Variants in NAA25 observed in about 807,000 individuals in gnomAD.
The protein encoded by NAA25 is N-terminal acetyltransferase B complex subunit NAA25.
Under a neutral mutation model 132.5 loss-of-function variants are expected in NAA25, and 30 were observed. That is an observed-to-expected ratio of 0.23 (90% confidence interval 0.17 to 0.31). NAA25 has a LOEUF of 0.31. Ranked by LOEUF, NAA25 falls within the 10% of genes least tolerant of loss-of-function variation. The pLI, the probability that NAA25 is intolerant of heterozygous loss-of-function variation, is 1.00. For synonymous variants in NAA25, 359 were observed against 401.9 expected (o/e 0.89, Z 1.28); for missense variants, 771 against 1,150.4 (o/e 0.67, Z 4.77).
intron 10 of NAA25, among the ~76,000 whole-genome samples, chr12:112,070,875 T>G (rs1482824030): frequency 6.6e-6 from 1 of 152,238 alleles, no homozygotes; most frequent in Admixed American, 6.5e-5. Context: ...GCCTCCCAAG[T>G]AGCTGTAACT....
At position 112,026,821 on chromosome 12, in the gene NAA25, CAAT is replaced by C. The variant is rs1275139666; in HGVS notation, c.*2707_*2709del. The C allele has an allele frequency of 6.6e-6, 1 of 152,092 alleles. No homozygotes were observed. Among genetic ancestry groups the C allele is most frequent in the Non-Finnish European group, 1.5e-5 (1 of 68,002 alleles). 9.4% of individuals were successfully genotyped at this position (152,092 alleles called of 1,614,324 possible). A position where few individuals can be genotyped will look rare whatever the true frequency, so the allele number is the denominator to read the frequency against. On this transcript the variant is annotated 3_prime_UTR_variant, in exon 24 of 24. Coordinates refer to ENST00000261745, the MANE Select transcript of NAA25 (RefSeq NM_024953.4). ...ATCACATCAAATAAGTAGGAAGTTTCAATAACAAGCCTGTAGATACATTGAAAC... is the reference window on the plus strand; with the variant it reads ...ATCACATCAAATAAGTAGGAAGTTTCAACAAGCCTGTAGATACATTGAAAC...
chr12:112,046,887 A>G (rs573529154), intron 17 of NAA25, among the ~76,000 whole-genome samples: 1 of 152,158 alleles, frequency 6.6e-6, no homozygotes, highest in South Asian at 2.1e-4. Flanking sequence ...AACTTAACAA[A>G]TTTATTATTT....
chr12:112,070,001 G>A (rs575934660), intron 10 of NAA25, among the ~76,000 whole-genome samples: 5 of 147,548 alleles, frequency 3.4e-5, no homozygotes, highest in Admixed American at 6.7e-5. Context: ...GGTGGCGATC[G>A]CCTGTAATCC....
chr12:112,103,482 G>T (rs969023099), intron 1 of NAA25, among the ~76,000 whole-genome samples: 1 of 152,178 alleles, frequency 6.6e-6, no homozygotes, highest in Non-Finnish European at 1.5e-5. Flanking sequence ...AGAAGTTCTA[G>T]TAAGTCAGGG....
chr12:112,080,866 G>A (rs757330999), intron 5 of NAA25, among the ~76,000 whole-genome samples, 194 bp downstream of exon 5: 27 of 152,120 alleles, frequency 1.8e-4, no homozygotes, highest in Admixed American at 5.9e-4. Flanking sequence ...TACTTGGGAG[G>A]TTGAGGTAGA....
chr12:112,058,680 T>C (rs141663054), intron 13 of NAA25, among the ~76,000 whole-genome samples: 1,927 of 152,182 alleles, frequency 0.013, 36 homozygotes, highest in African/African-American at 0.044. Flanking sequence ...TCCCAGCACT[T>C]TGGGAGGCCG....
At chr12:112,047,514 G>A in intron 17 of NAA25, 151 bp downstream of exon 17, 1 of 872,078 alleles carries the variant, frequency 1.1e-6, no homozygotes. Context: ...TTACAGGCCT[G>A]AGCCACCGTG....
chr12:112,071,833 T>C (rs767692927), intron 10 of NAA25, 62 bp downstream of exon 10: 287 of 1,030,890 alleles, frequency 2.8e-4, no homozygotes, highest in Non-Finnish European at 3.4e-4. Context: ...TCTCAACTAA[T>C]GAATATAGCA....
intron 3 of NAA25, among the ~76,000 whole-genome samples, chr12:112,089,326 T>G (rs1183588100): frequency 6.6e-6 from 1 of 152,210 alleles, no homozygotes; most frequent in East Asian, 1.9e-4. Context: ...ATACCAAGTG[T>G]TGACAAGCAT....
intron 5 of NAA25, among the ~76,000 whole-genome samples, chr12:112,080,587 G>A (rs981968899): frequency 2.0e-5 from 3 of 151,856 alleles, no homozygotes; most frequent in Non-Finnish European, 4.4e-5. Flanking sequence ...TGAAACCTCC[G>A]CCTCCTGGGT....
intron 5 of NAA25, among the ~76,000 whole-genome samples, chr12:112,080,007 G>A (rs928614048): frequency 2.0e-5 from 3 of 152,072 alleles, no homozygotes; most frequent in East Asian, 1.9e-4. Context: ...AGGGCCAGGC[G>A]CGGTGGCTCA....
rs1308188864 is a variant in NAA25, at chr12:112,049,942, A to G, written c.1729-1499T>C. Among the ~76,000 whole-genome samples, 1 of 152,134 alleles carries G rather than the reference A, an allele frequency of 6.6e-6. No individual in the cohort carries two copies. The highest frequency in any genetic ancestry group is 1.5e-5 in the Non-Finnish European group (1 of 68,030). On this transcript the variant is annotated intron_variant, in intron 15 of 23. Transcript: ENST00000261745. The surrounding 1 kb of genome is among the most constrained non-coding windows in gnomAD (Gnocchi z 4.7). The stretch of plus-strand genomic sequence containing the variant: ...GACTTTAGTAATTCCAATCAAAGTT[A>G]TAATTACAGTTCCAAAGTATGCTAT...
intron 22 of NAA25, chr12:112,035,492 T>C (rs2078212183): frequency 6.6e-6 from 1 of 152,252 alleles, no homozygotes; most frequent in Admixed American, 6.5e-5. Context: ...AGTTAAATCA[T>C]CTTTGTCTCT....
rs1222074331 is a variant in NAA25, at chr12:112,078,814, T to C, written c.478-73A>G. ...CTATTGATATTAACATTACTGTTAATTGGGCACATAATTATCAATCCACCA... is the reference window on the plus strand; with the variant it reads ...CTATTGATATTAACATTACTGTTAACTGGGCACATAATTATCAATCCACCA... On this transcript the variant is annotated intron_variant, in intron 5 of 23. Coordinates refer to ENST00000261745, the MANE Select transcript of NAA25 (RefSeq NM_024953.4). The C allele has an allele frequency of 1.4e-5, 17 of 1,182,974 alleles. No homozygotes were observed. The Admixed American group carries it at 2.1e-4, about 14-fold the overall frequency. The allele number at this position is 1,182,974 out of a possible 1,614,324, so 73.3% of individuals were successfully genotyped here.
chr12:112,044,185 C>T (rs2078342773), intron 17 of NAA25, among the ~76,000 whole-genome samples: 1 of 151,542 alleles, frequency 6.6e-6, no homozygotes, highest in Non-Finnish European at 1.5e-5. Flanking sequence ...CCTGCCTTGG[C>T]CTCCCAAAAT....
intron 1 of NAA25, among the ~76,000 whole-genome samples, chr12:112,093,708 T>C (rs751744425): frequency 1.3e-5 from 2 of 151,994 alleles, no homozygotes; most frequent in African/African-American, 2.4e-5. Context: ...AGTGAGACCC[T>C]GTCTCTAGAA....
At chr12:112,039,105 G>T (rs2078266659) in intron 22 of NAA25, 124 bp downstream of exon 22, 1 of 499,116 alleles carries the variant, frequency 2.0e-6, no homozygotes. Flanking sequence ...GTCATCGTGG[G>T]CCATGGGTTG....
At chr12:112,102,645 G>A (rs1249190250) in intron 1 of NAA25, among the ~76,000 whole-genome samples, 1 of 151,922 alleles carries the variant, frequency 6.6e-6, no homozygotes, top group African/African-American at 2.4e-5. Flanking sequence ...TCAGCTCACT[G>A]CAGCTTGAAG....
At position 112,078,340 on chromosome 12, in the gene NAA25, TA is replaced by T. The variant is rs1006261355; in HGVS notation, c.586-75del. The T allele has an allele frequency of 7.0e-6, 8 of 1,141,316 alleles. No individual in the cohort carries two copies. The East Asian group carries it at 1.7e-4, about 24-fold the overall frequency. 70.7% of individuals were successfully genotyped at this position (1,141,316 alleles called of 1,614,324 possible). A position where few individuals can be genotyped will look rare whatever the true frequency, so the allele number is the denominator to read the frequency against. On this transcript the variant is annotated intron_variant, in intron 6 of 23. Transcript: ENST00000261745. Reference sequence around the variant, plus strand: ...AAAAAGACAGTCATTTATAGGTTTTTAAAAAGTTATTTAATAGAGCATGTCT... The same window carrying T: ...AAAAAGACAGTCATTTATAGGTTTTTAAAAGTTATTTAATAGAGCATGTCT...
Sources: allele counts gnomAD v4.1 joint callset (sites outside exome capture counted in the v4.1 genomes callset), GRCh38; gene constraint gnomAD v4.1.1; non-coding constraint Gnocchi (gnomAD v3.1); transcripts MANE v1.5; gene names NCBI Gene and HGNC (gene_info 2026-07-23, HGNC 2026-07-21).